Variants in KAZN observed in about 807,000 individuals in gnomAD.
KAZN encodes the protein kazrin, periplakin interacting protein.
In KAZN, 40 loss-of-function variants were observed where a neutral mutation model predicts 87.4. That is an observed-to-expected ratio of 0.46 (90% CI 0.36 to 0.60). KAZN has a LOEUF of 0.60. Ranked by LOEUF, KAZN falls within the 20% of genes least tolerant of loss-of-function variation. The pLI is 0.00. For synonymous variants in KAZN, 466 were observed against 458.3 expected (o/e 1.02, Z -0.22); for missense variants, 898 against 1,073.9 (o/e 0.84, Z 2.29).
At chr1:14,881,220 G>A (rs116415432) in intron 1 of KAZN, among the ~76,000 whole-genome samples, 16 of 152,308 alleles carry the variant, frequency 1.1e-4, no homozygotes, top group African/African-American at 2.9e-4. Context: ...GTAAATTCTC[G>A]CATGATAAGC....
At chr1:14,999,168 A>G (rs752708902) in intron 2 of KAZN, among the ~76,000 whole-genome samples, 13 of 152,204 alleles carry the variant, frequency 8.5e-5, no homozygotes, top group Non-Finnish European at 1.8e-4. Context: ...CCTGGGTGAC[A>G]GATGGAGACC....
chr1:14,083,704 T>C (rs1220861860), intron 1 of KAZN, among the ~76,000 whole-genome samples: 1 of 152,212 alleles, frequency 6.6e-6, no homozygotes. Context: ...TATTGGTCAT[T>C]AATTTCAAAG....
At chr1:14,801,482 G>A (rs1212948137) in intron 1 of KAZN, among the ~76,000 whole-genome samples, 1 of 152,036 alleles carries the variant, frequency 6.6e-6, no homozygotes, top group Non-Finnish European at 1.5e-5. Flanking sequence ...CTAGGACTGA[G>A]AGGGTGATTT....
intron 1 of KAZN, among the ~76,000 whole-genome samples, chr1:14,663,242 G>T (rs1557872906): frequency 6.6e-6 from 1 of 152,080 alleles, no homozygotes; most frequent in African/African-American, 2.4e-5. Flanking sequence ...CTCCCAAAGT[G>T]CCGGGATTAC....
chr1:14,377,334 G>A (rs1337809013), intron 2 of KAZN, among the ~76,000 whole-genome samples: 1 of 152,188 alleles, frequency 6.6e-6, no homozygotes, highest in East Asian at 1.9e-4. Context: ...GTAGAAATTG[G>A]AGGAGGCAGG....
chr1:14,676,478 TC>T (rs1640227216), intron 1 of KAZN, among the ~76,000 whole-genome samples: 1 of 152,136 alleles, frequency 6.6e-6, no homozygotes. Context: ...GCTTGCTCTG[TC>T]CTCCTGCAGG....
chr1:14,018,987 C>T (rs1354479422), intron 1 of KAZN, among the ~76,000 whole-genome samples: 2 of 152,218 alleles, frequency 1.3e-5, no homozygotes, highest in Non-Finnish European at 2.9e-5. Flanking sequence ...AATCCCCTCT[C>T]ATCTCTGTCT....
At chr1:13,959,489 A>G (rs1016665553) in intron 1 of KAZN, among the ~76,000 whole-genome samples, 5 of 152,188 alleles carry the variant, frequency 3.3e-5, no homozygotes, top group African/African-American at 7.2e-5. Flanking sequence ...AAATGCTTCA[A>G]TAGAGTAAGG....
intron 2 of KAZN, among the ~76,000 whole-genome samples, chr1:14,379,747 T>C (rs1361200100): frequency 6.6e-6 from 1 of 152,160 alleles, no homozygotes; most frequent in African/African-American, 2.4e-5. Context: ...CCAGGTAGAT[T>C]TCTAAGATTT....
At chr1:14,186,915 C>G (rs1364919556) in intron 2 of KAZN, among the ~76,000 whole-genome samples, 1 of 152,088 alleles carries the variant, frequency 6.6e-6, no homozygotes, top group Non-Finnish European at 1.5e-5. Flanking sequence ...GATAACTGGA[C>G]GTTGAAGTGC....
intron 1 of KAZN, among the ~76,000 whole-genome samples, chr1:14,897,022 G>T (rs1240240556): frequency 6.6e-6 from 1 of 152,170 alleles, no homozygotes; most frequent in Non-Finnish European, 1.5e-5. Context: ...AAAAACAAAG[G>T]TGTTTATTAG....
At chr1:14,326,501 A>T (rs754176870) in intron 2 of KAZN, among the ~76,000 whole-genome samples, 17 of 152,242 alleles carry the variant, frequency 1.1e-4, no homozygotes, top group Non-Finnish European at 2.9e-5. Context: ...ACAACACAGT[A>T]GCCAGGATGG....
At chr1:14,382,329 T>A (rs1397713629) in intron 2 of KAZN, among the ~76,000 whole-genome samples, 4 of 152,156 alleles carry the variant, frequency 2.6e-5, no homozygotes, top group Non-Finnish European at 4.4e-5. Flanking sequence ...TTCTTTTTTT[T>A]ATTATACTTT....
intron 2 of KAZN, among the ~76,000 whole-genome samples, chr1:15,017,169 G>A (rs371740377): frequency 2.0e-5 from 3 of 151,584 alleles, no homozygotes; most frequent in African/African-American, 7.3e-5. Context: ...TTGGTGGCTC[G>A]CACCTGTAAT....
At position 13,966,830 on chromosome 1, in the gene KAZN, A is replaced by G. The variant is rs377661662; in HGVS notation, c.91+73074A>G. 2.0e-5 allele frequency among the ~76,000 whole-genome samples: 3 copies of G among 152,362 alleles called. No homozygotes were observed. The East Asian group carries it at 5.8e-4, about 29-fold the overall frequency. On this transcript the variant is annotated intron_variant, in intron 1 of 16. Transcript: ENST00000636203. ...CTGGTTGTTTTTTGATATATTACATAAAATAAAGGTTGCTGAAATTCATTT... is the reference window on the plus strand; with the variant it reads ...CTGGTTGTTTTTTGATATATTACATGAAATAAAGGTTGCTGAAATTCATTT...
chr1:14,738,235 G>A (rs1643972033), intron 1 of KAZN, among the ~76,000 whole-genome samples: 1 of 152,152 alleles, frequency 6.6e-6, no homozygotes, highest in African/African-American at 2.4e-5. Context: ...TGGGATGGGA[G>A]TCCCAAAGGC....
intron 1 of KAZN, among the ~76,000 whole-genome samples, chr1:14,728,215 G>A (rs1391844243): frequency 6.7e-6 from 1 of 149,948 alleles, no homozygotes; most frequent in Admixed American, 6.7e-5. Flanking sequence ...GAACTTGGGA[G>A]GCGGAGGTTG....
chr1:14,318,672 C>T lies in KAZN; in HGVS notation c.249+138080C>T, dbSNP rs1001648067. Among the ~76,000 whole-genome samples, 97 of 152,048 alleles carry T rather than the reference C, an allele frequency of 6.4e-4. 1 individual carries two copies. The highest frequency in any genetic ancestry group is 1.3e-3 in the Non-Finnish European group (86 of 67,996). ...TTTTTGCAAACTTCTATAACATGTA[C>T]ATGAGATCACTCGATATTGTCGTGC... On this transcript the variant is annotated intron_variant, in intron 2 of 16. Transcript: ENST00000636203.
chr1:14,798,386 G>T (rs1645894627), intron 1 of KAZN, among the ~76,000 whole-genome samples: 1 of 145,908 alleles, frequency 6.9e-6, no homozygotes, highest in African/African-American at 2.5e-5. Flanking sequence ...CCTCGGAGGT[G>T]ATCTTTGCTT....
Sources: gnomAD v4.1 joint callset for allele counts (sites outside exome capture counted in the v4.1 genomes callset) on GRCh38, gnomAD v4.1.1 for gene constraint, MANE v1.5 for transcripts, NCBI Gene and HGNC (gene_info 2026-07-23, HGNC 2026-07-21) for gene names.